CSMD3: variants seen among roughly 807,000 people sequenced by gnomAD.
CSMD3 encodes CUB and sushi domain-containing protein 3.
A neutral mutation model predicts 435.2 loss-of-function variants in CSMD3; 177 were observed. The observed-to-expected ratio is 0.41, with a 90% confidence interval of 0.36 to 0.46. CSMD3 has a LOEUF of 0.46. CSMD3 is among the 20% of genes least tolerant of loss of function. The pLI, the probability that CSMD3 is intolerant of heterozygous loss-of-function variation, is 0.34. For synonymous variants in CSMD3, 1,656 were observed against 1,520.5 expected (o/e 1.09, Z -2.07); for missense variants, 4,265 against 4,504.6 (o/e 0.95, Z 1.52).
chr8:113,125,256 C>T (rs1172725978), intron 4 of CSMD3, among the ~76,000 whole-genome samples: 1 of 151,866 alleles, frequency 6.6e-6, no homozygotes, highest in Non-Finnish European at 1.5e-5. Context: ...GTGGACTGGG[C>T]CCACTGGTTT....
chr8:112,507,825 C>CTT, intron 28 of CSMD3, among the ~76,000 whole-genome samples: 1 of 152,072 alleles, frequency 6.6e-6, no homozygotes, highest in Admixed American at 6.6e-5. Context: ...TGCCTTCCTC[C>CTT]ATGCACCTCT....
At chr8:112,454,270 G>A (rs568848212) in intron 32 of CSMD3, among the ~76,000 whole-genome samples, 7 of 152,182 alleles carry the variant, frequency 4.6e-5, no homozygotes, top group Admixed American at 4.6e-4. Context: ...AAACTAAAGA[G>A]CTTCTGCACA....
chr8:113,168,767 T>A (rs1245718954), intron 4 of CSMD3, among the ~76,000 whole-genome samples: 1 of 152,030 alleles, frequency 6.6e-6, no homozygotes, highest in Admixed American at 6.6e-5. Flanking sequence ...CAGTTTTCTT[T>A]AAGTTAGTTT....
chr8:113,197,553 T>A (rs2092672182), intron 3 of CSMD3, among the ~76,000 whole-genome samples: 1 of 151,252 alleles, frequency 6.6e-6, no homozygotes, highest in African/African-American at 2.4e-5. Flanking sequence ...ATTACTGTAA[T>A]GATGTTGAGT....
chr8:113,370,153 T>C (rs1035973014), intron 1 of CSMD3, among the ~76,000 whole-genome samples: 2 of 151,456 alleles, frequency 1.3e-5, no homozygotes, highest in Non-Finnish European at 3.0e-5. Context: ...CAAAATATCA[T>C]GTTGTACATA....
In CSMD3 at chr8:112,414,943, T is replaced by C. The variant is rs533735428; in HGVS notation, c.5396-5911A>G. On this transcript the variant is annotated intron_variant, in intron 32 of 70. Coordinates refer to ENST00000297405, the MANE Select transcript of CSMD3 (RefSeq NM_198123.2). ...TAAGGTATCTGGCAGAAGACATTAC[T>C]AAGCTGCAAAGCATTCAAGTGGAAG... is the stretch of plus-strand genomic sequence containing the variant. Among the ~76,000 whole-genome samples, 5 of 152,274 alleles carry C rather than the reference T, an allele frequency of 3.3e-5. No individual in the cohort carries two copies. In the South Asian group the frequency reaches 1.0e-3, roughly 32 times the overall value.
intron 27 of CSMD3, among the ~76,000 whole-genome samples, chr8:112,530,752 A>G (rs564162433): frequency 6.6e-6 from 1 of 152,290 alleles, no homozygotes; most frequent in African/African-American, 2.4e-5. Context: ...TCCTACCACA[A>G]TGTAACACAG....
intron 59 of CSMD3, among the ~76,000 whole-genome samples, chr8:112,276,746 T>C (rs1312210233): frequency 6.6e-6 from 1 of 152,180 alleles, no homozygotes; most frequent in Non-Finnish European, 1.5e-5. Context: ...TACAGGCATG[T>C]CCATACATCA....
chr8:113,128,354 T>C (rs1033611248), intron 4 of CSMD3, among the ~76,000 whole-genome samples: 1 of 152,002 alleles, frequency 6.6e-6, no homozygotes, highest in Non-Finnish European at 1.5e-5. Flanking sequence ...TGCTTACCTA[T>C]TAAAAATCCA....
At chr8:113,002,411 T>C (rs1396226102) in intron 6 of CSMD3, among the ~76,000 whole-genome samples, 1 of 152,118 alleles carries the variant, frequency 6.6e-6, no homozygotes, top group East Asian at 1.9e-4. Context: ...AAAAATGTCT[T>C]TAGTAAAAAC....
intron 36 of CSMD3, among the ~76,000 whole-genome samples, chr8:112,387,635 T>A (rs1470383578): frequency 2.0e-5 from 3 of 152,164 alleles, no homozygotes; most frequent in Non-Finnish European, 4.4e-5. Context: ...ACACACTATA[T>A]GTTTGCTAAA....
chr8:112,402,927 T>C (rs776901780), intron 35 of CSMD3, among the ~76,000 whole-genome samples: 10 of 152,170 alleles, frequency 6.6e-5, no homozygotes, highest in Non-Finnish European at 1.0e-4. Flanking sequence ...GAGTATGAAG[T>C]CAATGTATTG....
At chr8:112,935,596 C>A (rs539590566) in intron 9 of CSMD3, among the ~76,000 whole-genome samples, 2 of 151,612 alleles carry the variant, frequency 1.3e-5, no homozygotes, top group African/African-American at 4.8e-5. Flanking sequence ...GTGTAGAAAT[C>A]TCTCACCTTT....
chr8:112,779,472 C>T (rs538492239), intron 13 of CSMD3, among the ~76,000 whole-genome samples: 4 of 151,910 alleles, frequency 2.6e-5, no homozygotes, highest in African/African-American at 4.8e-5. Flanking sequence ...AGAAAAAGAC[C>T]ATGCATGGCT....
chr8:113,244,660 GC>G (rs1270103605), intron 3 of CSMD3, among the ~76,000 whole-genome samples: 2 of 151,986 alleles, frequency 1.3e-5, no homozygotes, highest in Non-Finnish European at 2.9e-5. Flanking sequence ...TTCATTCTTT[GC>G]CATGTGAATA....
chr8:112,346,438 GAAAGT>G (rs1382535829), intron 40 of CSMD3, among the ~76,000 whole-genome samples: 2 of 152,024 alleles, frequency 1.3e-5, no homozygotes, highest in Non-Finnish European at 2.9e-5. Context: ...GAAATAAGTG[GAAAGT>G]AAATCAATTA....
intron 12 of CSMD3, among the ~76,000 whole-genome samples, chr8:112,807,455 A>G (rs1187816398): frequency 6.6e-6 from 1 of 151,922 alleles, no homozygotes; most frequent in Non-Finnish European, 1.5e-5. Context: ...CAAGCAGCAC[A>G]GTTAATAGAA....
At chr8:113,371,670 G>C (rs946445778) in intron 1 of CSMD3, among the ~76,000 whole-genome samples, 2 of 152,118 alleles carry the variant, frequency 1.3e-5, no homozygotes, top group Admixed American at 1.3e-4. Flanking sequence ...TGCAGGCAAC[G>C]AATCACAGAT....
intron 13 of CSMD3, among the ~76,000 whole-genome samples, chr8:112,692,836 A>G (rs767599815): frequency 2.0e-5 from 3 of 152,160 alleles, no homozygotes; most frequent in Non-Finnish European, 4.4e-5. Flanking sequence ...ATGACAGTAT[A>G]TTATTATAAT....
Sources: gnomAD v4.1 joint callset for allele counts (sites outside exome capture counted in the v4.1 genomes callset) on GRCh38, gnomAD v4.1.1 for gene constraint, MANE v1.5 for transcripts, NCBI Gene and HGNC (gene_info 2026-07-23, HGNC 2026-07-21) for gene names.